The following NECTIN1 variants were observed in gnomAD, a reference collection of about 807,000 sequenced individuals.
The protein encoded by NECTIN1 is nectin cell adhesion molecule 1.
A neutral mutation model predicts 48.0 loss-of-function variants in NECTIN1; 23 were observed. The ratio of observed to expected loss-of-function variants is 0.48; its 90% CI spans 0.34 to 0.68. The LOEUF (loss-of-function observed/expected upper bound fraction) is 0.68, where lower values mean the gene tolerates loss of function less well. NECTIN1 is among the 30% of genes least tolerant of loss of function. NECTIN1 has a pLI of 0.01. For synonymous variants in NECTIN1, 270 were observed against 288.9 expected, an observed-to-expected ratio of 0.93 and a Z score of 0.66; for missense variants, 591 against 709.9, an observed-to-expected ratio of 0.83 and a Z score of 1.90.
intron 5 of NECTIN1, among the ~76,000 whole-genome samples, chr11:119,666,738 T>C (rs1367021865): frequency 6.6e-6 from 1 of 152,206 alleles, no homozygotes; most frequent in African/African-American, 2.4e-5. Flanking sequence ...CACTCTCTGA[T>C]TCAGTATCTC....
downstream of NECTIN1, among the ~76,000 whole-genome samples, chr11:119,658,339 T>C (rs963779416): frequency 2.0e-5 from 3 of 152,122 alleles, no homozygotes; most frequent in Admixed American, 1.3e-4. Context: ...CAGTCCCCCA[T>C]AGAGCAGGAC....
intron 1 of NECTIN1, among the ~76,000 whole-genome samples, chr11:119,714,771 A>G (rs1174928606): frequency 6.6e-6 from 1 of 151,610 alleles, no homozygotes; most frequent in African/African-American, 2.4e-5. Context: ...TGGGGGTGGG[A>G]AAGGGATAGA....
At chr11:119,700,373 C>T (rs1241283736) in intron 1 of NECTIN1, among the ~76,000 whole-genome samples, 1 of 152,234 alleles carries the variant, frequency 6.6e-6, no homozygotes, top group African/African-American at 2.4e-5. Context: ...GCTTGGGAGT[C>T]AGGAGATCCA....
At chr11:119,679,031 A>G (rs1464113340) in intron 1 of NECTIN1, among the ~76,000 whole-genome samples, 1 of 152,202 alleles carries the variant, frequency 6.6e-6, no homozygotes, top group Non-Finnish European at 1.5e-5. Flanking sequence ...TATCCACATA[A>G]CCATCTATCT....
At chr11:119,698,747 T>C in intron 1 of NECTIN1, among the ~76,000 whole-genome samples, 1 of 152,220 alleles carries the variant, frequency 6.6e-6, no homozygotes, top group South Asian at 2.1e-4. Context: ...ATAACGTATG[T>C]ACATGGTTAG....
chr11:119,724,979 T>A (rs750656297), intron 1 of NECTIN1, among the ~76,000 whole-genome samples: 4 of 152,212 alleles, frequency 2.6e-5, no homozygotes, highest in Admixed American at 6.5e-5. Context: ...CACCTCTCTG[T>A]CTGTCCCTCT....
chr11:119,675,134 G>C, intron 5 of NECTIN1, 25 bp downstream of exon 5: 13 of 1,613,974 alleles, frequency 8.1e-6, no homozygotes, highest in Non-Finnish European at 1.1e-5. Flanking sequence ...GGTGCGGAGA[G>C]GCTGGGGAGG....
intron 1 of NECTIN1, among the ~76,000 whole-genome samples, chr11:119,706,156 C>T (rs1372211843): frequency 6.6e-6 from 1 of 152,234 alleles, no homozygotes; most frequent in East Asian, 1.9e-4. Flanking sequence ...CCCACCTCTT[C>T]CCTGGGCACA....
rs1395372820 is a variant in NECTIN1 at position 119,661,672 on chromosome 11, G to A, written c.*3075C>T. ...GCACCAGTGACTTGGGCAAGTGGGGGTTGGCTGGCAGAGGAAGCGCATGCC... is the reference window on the plus strand; with the variant it reads ...GCACCAGTGACTTGGGCAAGTGGGGATTGGCTGGCAGAGGAAGCGCATGCC... On this transcript the variant is annotated 3_prime_UTR_variant, in exon 6 of 6. Coordinates refer to ENST00000264025, the MANE Select transcript of NECTIN1 (RefSeq NM_002855.5). 3.0e-6 allele frequency: 3 copies of A among 985,912 alleles called. No individual in the cohort carries two copies. The highest frequency in any genetic ancestry group is 3.6e-6 in the Non-Finnish European group (3 of 829,972). The allele number at this position is 985,912 out of a possible 1,614,324, so 61.1% of individuals were successfully genotyped here.
At chr11:119,643,814 A>G (rs1249016955) in intron 5 of NECTIN1, among the ~76,000 whole-genome samples, 2 of 152,212 alleles carry the variant, frequency 1.3e-5, no homozygotes, top group African/African-American at 4.8e-5. Context: ...GGAGAGCTGG[A>G]ATCAGTGTCG....
intron 6 of NECTIN1, chr11:119,639,427 T>G: frequency 4.5e-6 from 1 of 221,982 alleles, no homozygotes; most frequent in Non-Finnish European, 9.0e-6. Context: ...AAAATATGAT[T>G]TATCCTGATG....
At chr11:119,660,880 C>T (rs913498442), downstream of NECTIN1, 1 of 514,872 alleles carries the variant, frequency 1.9e-6, no homozygotes, top group Non-Finnish European at 2.5e-6. Flanking sequence ...GGAACCTGGA[C>T]ATGGGGTGGG....
intron 5 of NECTIN1, among the ~76,000 whole-genome samples, chr11:119,646,291 C>T (rs1039506707): frequency 6.6e-5 from 10 of 152,224 alleles, no homozygotes; most frequent in African/African-American, 2.4e-4. Context: ...GCCCGACTTC[C>T]AGTCCATCTC....
chr11:119,695,626 A>T (rs951194411), intron 1 of NECTIN1, among the ~76,000 whole-genome samples: 2 of 151,356 alleles, frequency 1.3e-5, no homozygotes. Context: ...GGTCACTGCG[A>T]TCTTTTAATC....
rs559023680 is a variant in NECTIN1 at position 119,667,715 on chromosome 11, G to A, written c.1004-2418C>T. Among the ~76,000 whole-genome samples the A allele has an allele frequency of 3.3e-5, 5 of 152,270 alleles. No individual in the cohort carries two copies. The East Asian group carries it at 5.8e-4, about 18-fold the overall frequency. ...TCCTTTTCTCTGTTCCAGCTGTCTC[G>A]CTGGACGCTTTGTCCTGGGACCCTC... On this transcript the variant is annotated intron_variant, in intron 5 of 5. Coordinates refer to ENST00000264025, the MANE Select transcript of NECTIN1 (RefSeq NM_002855.5).
Position 119,728,820 on chromosome 11 carries a change from C to A in NECTIN1, c.-267G>T, listed in dbSNP as rs566951383. 1.6e-3 allele frequency: 583 copies of A among 370,332 alleles called. 5 individuals carry two copies. The highest frequency in any genetic ancestry group is 0.011 in the African/African-American group (538 of 47,464). 22.9% of individuals were successfully genotyped at this position (370,332 alleles called of 1,614,324 possible). A position where few individuals can be genotyped will look rare whatever the true frequency, so the allele number is the denominator to read the frequency against. On this transcript the variant is annotated 5_prime_UTR_variant, in exon 1 of 6. Coordinates refer to ENST00000264025, the MANE Select transcript of NECTIN1 (RefSeq NM_002855.5). Reference sequence around the variant, plus strand: ...CCCCTTCGCCTCCTCCGCTCTCCTCCCGGCGCCGGTCCCCGCCCTCTTCTT... The same window carrying A: ...CCCCTTCGCCTCCTCCGCTCTCCTCACGGCGCCGGTCCCCGCCCTCTTCTT...
intron 1 of NECTIN1, among the ~76,000 whole-genome samples, chr11:119,708,874 T>A (rs905313656): frequency 2.6e-5 from 4 of 152,096 alleles, no homozygotes; most frequent in Non-Finnish European, 5.9e-5. Context: ...TCTGCAAGCC[T>A]GCAGCACCCC....
chr11:119,728,466 C>A lies in NECTIN1; in HGVS notation c.79+9G>T. 1.3e-6 allele frequency: 2 copies of A among 1,597,296 alleles called. No homozygotes were observed. The highest frequency in any genetic ancestry group is 2.3e-5 in the South Asian group (2 of 88,128). ...TGGGGGTGGGGACAGCAGAGGTGAG[C>A]GCTCTTACCTGGGAGGAAGAATGCG... is the stretch of plus-strand genomic sequence containing the variant. On this transcript the variant is annotated intron_variant, in intron 1 of 5. Coordinates refer to ENST00000264025, the MANE Select transcript of NECTIN1 (RefSeq NM_002855.5).
At position 119,673,097 on chromosome 11, in the gene NECTIN1, G is replaced by A. The variant is rs1864887050; in HGVS notation, c.1003+2062C>T. Among the ~76,000 whole-genome samples, 1 of 152,226 alleles carries A rather than the reference G, an allele frequency of 6.6e-6. No homozygotes were observed. The highest frequency in any genetic ancestry group is 2.1e-4 in the South Asian group (1 of 4,832). ...TCCCTCTGGACCAGTGGGGCTTAGA[G>A]CAAGGGCATGGCTGTGCCCTGCGGG... On this transcript the variant is annotated intron_variant, in intron 5 of 5. Coordinates refer to ENST00000264025, the MANE Select transcript of NECTIN1 (RefSeq NM_002855.5). This position sits in a 1 kb window ranked among gnomAD's most constrained non-coding sequence, Gnocchi z 5.8.
Sources: allele counts gnomAD v4.1 joint callset (sites outside exome capture counted in the v4.1 genomes callset), GRCh38; gene constraint gnomAD v4.1.1; non-coding constraint Gnocchi (gnomAD v3.1); transcripts MANE v1.5; gene names NCBI Gene and HGNC (gene_info 2026-07-23, HGNC 2026-07-21).